Variants in FBXO8 observed in about 807,000 individuals in gnomAD.
FBXO8 encodes F-box protein 8.
FBXO8 carries 15 observed loss-of-function variants against 33.4 expected under a neutral mutation model. The observed-to-expected ratio is 0.45, with a 90% CI of 0.30 to 0.69. The LOEUF (loss-of-function observed/expected upper bound fraction) is 0.69, where lower values mean the gene tolerates loss of function less well. Ranked by LOEUF, FBXO8 falls within the 30% of genes least tolerant of loss-of-function variation. The probability of loss-of-function intolerance (pLI) is 0.08; values close to 1 mark genes in which losing one functional copy is unlikely to be tolerated. For missense variants in FBXO8, 274 were observed against 380.3 expected (o/e 0.72, Z 2.32); for synonymous variants, 132 against 131.5 (o/e 1.00, Z -0.02).
chr4:174,244,092 T>C (rs1034990499), intron 3 of FBXO8, among the ~76,000 whole-genome samples: 1 of 151,612 alleles, frequency 6.6e-6, no homozygotes, highest in Non-Finnish European at 1.5e-5. Flanking sequence ...TAAAAGACTG[T>C]GTCACAAGGA....
In FBXO8 at chr4:174,239,236, T is replaced by TA. The variant is rs765131245; in HGVS notation, c.576-47dup. The stretch of plus-strand genomic sequence containing the variant: ...ACAGCTTTGGTTAACTTTTCTTCAT[T>TA]AAAAAAATGGTAAGAAAAATAACAA... On this transcript the variant is annotated intron_variant, in intron 4 of 5. Transcript: ENST00000393674. The TA allele has an allele frequency of 9.1e-6, 12 of 1,320,572 alleles. No homozygotes were observed. The South Asian group carries it at 9.1e-5, about 10-fold the overall frequency. 81.8% of individuals were successfully genotyped at this position (1,320,572 alleles called of 1,614,324 possible).
In FBXO8 at chr4:174,255,781, T is replaced by C. The variant is rs967882403; in HGVS notation, c.456+3918A>G. ...AATATACATTGGAGCACAAGTAATA[T>C]AGTTTACTGGTTGTTAAATAAAATT... is the stretch of plus-strand genomic sequence containing the variant. On this transcript the variant is annotated intron_variant, in intron 3 of 5. Coordinates refer to ENST00000393674, the MANE Select transcript of FBXO8 (RefSeq NM_012180.3). The surrounding 1 kb of genome is among the most constrained non-coding windows in gnomAD (Gnocchi z 4.3). Among the ~76,000 whole-genome samples, 4 of 152,222 alleles carry C rather than the reference T, an allele frequency of 2.6e-5. No homozygotes were observed. The highest frequency in any genetic ancestry group is 7.2e-5 in the African/African-American group (3 of 41,456).
intron 1 of FBXO8, among the ~76,000 whole-genome samples, chr4:174,279,311 T>A (rs576818042): frequency 6.6e-6 from 1 of 152,006 alleles, no homozygotes; most frequent in East Asian, 1.9e-4. Context: ...ATTAACCAAG[T>A]AGGTAAAAGG....
In FBXO8 at chr4:174,283,139, T is replaced by TTAC. The variant is rs1175832663; in HGVS notation, c.-9+268_-9+270dup. ...AGGTTTATTTCACAATGACGCTGGG[T>TTAC]TACTACTTGGAGTCCTAAACCGAAC... On this transcript the variant is annotated intron_variant, in intron 1 of 5. Coordinates refer to ENST00000393674, the MANE Select transcript of FBXO8 (RefSeq NM_012180.3). The surrounding 1 kb of genome is among the most constrained non-coding windows in gnomAD (Gnocchi z 6.7). Among the ~76,000 whole-genome samples, 1 of 152,100 alleles carries TTAC rather than the reference T, an allele frequency of 6.6e-6. No homozygotes were observed. Among genetic ancestry groups the TTAC allele is most frequent in the Non-Finnish European group, 1.5e-5 (1 of 68,022 alleles).
intron 1 of FBXO8, among the ~76,000 whole-genome samples, chr4:174,268,668 C>T (rs1180859219): frequency 2.0e-5 from 3 of 152,166 alleles, no homozygotes; most frequent in Non-Finnish European, 2.9e-5. Flanking sequence ...CATCTCCTGA[C>T]CTCGTGATCC....
Position 174,255,594 on chromosome 4 carries a change from A to T in FBXO8, c.456+4105T>A, listed in dbSNP as rs1736396966. Among the ~76,000 whole-genome samples, 3 of 152,030 alleles carry T rather than the reference A, an allele frequency of 2.0e-5. No homozygotes were observed. Among genetic ancestry groups the T allele is most frequent in the Non-Finnish European group, 1.5e-5 (1 of 67,994 alleles). ...AAAATGTGCTTACATAGTCATTAAA[A>T]AAAAAAACTTGTTATCTGACCCCAA... On this transcript the variant is annotated intron_variant, in intron 3 of 5. Coordinates refer to ENST00000393674, the MANE Select transcript of FBXO8 (RefSeq NM_012180.3). This position sits in a 1 kb window ranked among gnomAD's most constrained non-coding sequence, Gnocchi z 4.3.
chr4:174,243,658 A>G (rs1736096580), intron 3 of FBXO8, among the ~76,000 whole-genome samples: 1 of 151,156 alleles, frequency 6.6e-6, no homozygotes, highest in South Asian at 2.1e-4. Flanking sequence ...TGGTATAAAC[A>G]TTTTTAAAAA....
chr4:174,239,306 C>A (rs972815921), intron 4 of FBXO8, 116 bp from the exon 5 acceptor site: 1 of 530,210 alleles, frequency 1.9e-6, no homozygotes. Flanking sequence ...ATTACTAGAT[C>A]AGCTAATCCT....
In FBXO8 at chr4:174,278,202, A is replaced by ATAGC. The variant is rs1032187548; in HGVS notation, c.-9+5204_-9+5207dup. Among the ~76,000 whole-genome samples, 2 of 152,098 alleles carry ATAGC rather than the reference A, an allele frequency of 1.3e-5. No homozygotes were observed. Among genetic ancestry groups the ATAGC allele is most frequent in the Non-Finnish European group, 2.9e-5 (2 of 67,938 alleles). On this transcript the variant is annotated intron_variant, in intron 1 of 5. Transcript: ENST00000393674. The surrounding 1 kb of genome is among the most constrained non-coding windows in gnomAD (Gnocchi z 4.1). ...AGGTCTTTCTAAGGAGAAAAGGGAA[A>ATAGC]TAGCTAAGTACTAAGAGGTCACAAG...
rs1013059978 is a variant in FBXO8 at position 174,236,674 on chromosome 4, T to C, written c.*738A>G. 1.3e-5 allele frequency: 2 copies of C among 152,192 alleles called. No homozygotes were observed. Among genetic ancestry groups the C allele is most frequent in the Admixed American group, 6.5e-5 (1 of 15,288 alleles). The allele number at this position is 152,192 out of a possible 1,614,324, so 9.4% of individuals were successfully genotyped here. A position where few individuals can be genotyped will look rare whatever the true frequency, so the allele number is the denominator to read the frequency against. Reference sequence around the variant, plus strand: ...AAGCAAACATTTACCAGAGTTCTAATAATATTTTATTTTATTCCTATGAAT... The same window carrying C: ...AAGCAAACATTTACCAGAGTTCTAACAATATTTTATTTTATTCCTATGAAT... On this transcript the variant is annotated 3_prime_UTR_variant, in exon 6 of 6. Coordinates refer to ENST00000393674, the MANE Select transcript of FBXO8 (RefSeq NM_012180.3).
rs1181719056 is a variant in FBXO8, at chr4:174,253,442, T to C, written c.456+6257A>G. On this transcript the variant is annotated intron_variant, in intron 3 of 5. Transcript: ENST00000393674. This position sits in a 1 kb window ranked among gnomAD's most constrained non-coding sequence, Gnocchi z 4.5. ...TGCTTAGTAGCAGGAAGACCTAAACTGGCAAGAAGGTAGGGTCAGCTACCA... is the reference window on the plus strand; with the variant it reads ...TGCTTAGTAGCAGGAAGACCTAAACCGGCAAGAAGGTAGGGTCAGCTACCA... Among the ~76,000 whole-genome samples the C allele has an allele frequency of 2.0e-5, 3 of 152,148 alleles. No homozygotes were observed. Among genetic ancestry groups the C allele is most frequent in the Non-Finnish European group, 4.4e-5 (3 of 68,014 alleles).
In FBXO8 at chr4:174,245,447, T is replaced by C. The variant is rs951675041; in HGVS notation, c.457-4229A>G. Among the ~76,000 whole-genome samples, 2 of 151,906 alleles carry C rather than the reference T, an allele frequency of 1.3e-5. No individual in the cohort carries two copies. The highest frequency in any genetic ancestry group is 2.9e-5 in the Non-Finnish European group (2 of 67,886). ...GAATGTTCCAGTTAATACTGTATTA[T>C]ATGAGCAAAAGTAATATATAATTTT... On this transcript the variant is annotated intron_variant, in intron 3 of 5. Coordinates refer to ENST00000393674, the MANE Select transcript of FBXO8 (RefSeq NM_012180.3). The surrounding 1 kb of genome is among the most constrained non-coding windows in gnomAD (Gnocchi z 4.6).
intron 1 of FBXO8, among the ~76,000 whole-genome samples, chr4:174,282,565 G>A (rs1477606839): frequency 6.6e-6 from 1 of 152,138 alleles, no homozygotes; most frequent in Non-Finnish European, 1.5e-5. Context: ...TTTTCGTGAA[G>A]GGTAGAGTTG....
intron 3 of FBXO8, among the ~76,000 whole-genome samples, chr4:174,242,787 G>A (rs919848160): frequency 4.0e-5 from 6 of 151,410 alleles, no homozygotes; most frequent in African/African-American, 1.5e-4. Flanking sequence ...TTGAATAATC[G>A]AGAGTTGACT....
At position 174,265,686 on chromosome 4, in the gene FBXO8, C is replaced by T. The variant is rs930328241; in HGVS notation, c.-8-2586G>A. The stretch of plus-strand genomic sequence containing the variant: ...CTATGGAGACAGTAGAAATGATCAA[C>T]GTACAAAAAATAGAGAATGTCAACA... On this transcript the variant is annotated intron_variant, in intron 1 of 5. Coordinates refer to ENST00000393674, the MANE Select transcript of FBXO8 (RefSeq NM_012180.3). This position sits in a 1 kb window ranked among gnomAD's most constrained non-coding sequence, Gnocchi z 4.7. 6.6e-6 allele frequency among the ~76,000 whole-genome samples: 1 copy of T among 152,020 alleles called. No homozygotes were observed. Among genetic ancestry groups the T allele is most frequent in the African/African-American group, 2.4e-5 (1 of 41,500 alleles).
chr4:174,241,216 T>C lies in FBXO8; in HGVS notation c.459A>G (p.Gly153=), dbSNP rs762077134. Residue 153 remains glycine, a splice_region_variant and synonymous_variant, in exon 4 of 6, where the codon GGA becomes GGG. Coordinates refer to ENST00000393674, the MANE Select transcript of FBXO8 (RefSeq NM_012180.3). This position sits in a 1 kb window ranked among gnomAD's most constrained non-coding sequence, Gnocchi z 4.2. ...SLTFNANPDE[G]VNYFMSKGIL... The stretch of plus-strand genomic sequence containing the variant: ...TACCCTTGGACATAAAGTAGTTCAC[T>C]CCCTAAGGCAGAAAGACAAGTCTAC... The C allele has an allele frequency of 1.3e-6, 2 of 1,570,680 alleles. No individual in the cohort carries two copies. Among genetic ancestry groups the C allele is most frequent in the Non-Finnish European group, 1.7e-6 (2 of 1,151,110 alleles).
chr4:174,275,702 A>C lies in FBXO8; in HGVS notation c.-9+7708T>G, dbSNP rs1736945545. 6.6e-6 allele frequency among the ~76,000 whole-genome samples: 1 copy of C among 152,226 alleles called. No homozygotes were observed. The highest frequency in any genetic ancestry group is 1.5e-5 in the Non-Finnish European group (1 of 68,034). On this transcript the variant is annotated intron_variant, in intron 1 of 5. Transcript: ENST00000393674. The surrounding 1 kb of genome is among the most constrained non-coding windows in gnomAD (Gnocchi z 4.4). ...GGGTGAGCAAAGACATGGGAAGTCT[A>C]CCATCATTTCACAAATAGTAACTAT...
intron 4 of FBXO8, 47 bp from the exon 5 acceptor site, chr4:174,239,237 A>T: frequency 7.7e-7 from 1 of 1,303,056 alleles, no homozygotes; most frequent in Non-Finnish European, 1.0e-6. Context: ...TTTCTTCATT[A>T]AAAAAATGGT....
intron 1 of FBXO8, among the ~76,000 whole-genome samples, chr4:174,276,006 ATTAC>A (rs1736952686): frequency 6.6e-6 from 1 of 152,318 alleles, no homozygotes; most frequent in African/African-American, 2.4e-5. Context: ...AATTGGTATA[ATTAC>A]TTATTTAAAA....
Sources: allele counts gnomAD v4.1 joint callset (sites outside exome capture counted in the v4.1 genomes callset), GRCh38; gene constraint gnomAD v4.1.1; non-coding constraint Gnocchi (gnomAD v3.1); transcripts MANE v1.5; gene names NCBI Gene and HGNC (gene_info 2026-07-23, HGNC 2026-07-21).